DGKK: variants seen among roughly 807,000 people sequenced by gnomAD.
DGKK encodes the protein 142 kDa diacylglycerol kinase.
A neutral mutation model predicts 92.2 loss-of-function variants in DGKK; 35 were observed. The observed-to-expected ratio is 0.38, with a 90% CI of 0.29 to 0.50. The LOEUF is 0.50. DGKK is among the 20% of genes least tolerant of loss of function. The pLI is 0.92. For synonymous variants in DGKK, 368 were observed against 360.6 expected, an observed-to-expected ratio of 1.02 and a Z score of -0.23; for missense variants, 910 against 992.2, an observed-to-expected ratio of 0.92 and a Z score of 1.11.
rs138388056 is a variant in DGKK at position 50,467,797 on chromosome X, G to A, written c.645+2237C>T. On this transcript the variant is annotated intron_variant, in intron 1 of 27. Transcript: ENST00000611977. ...AGATCAGATGTTCCCAGCTGCACCA[G>A]AGAGCAATTGCATAGCAACATTGAG... is the stretch of plus-strand genomic sequence containing the variant. 8.1e-3 allele frequency among the ~76,000 whole-genome samples: 911 copies of A among 112,632 alleles called. 2 individuals carry two copies. The highest frequency in any genetic ancestry group is 0.014 in the Non-Finnish European group (741 of 53,291).
At chrX:50,374,672 T>C (rs1198912141) in intron 25 of DGKK, among the ~76,000 whole-genome samples, 1 of 111,442 alleles carries the variant, frequency 9.0e-6, no homozygotes, top group Non-Finnish European at 1.9e-5. Flanking sequence ...CTTTTTCTAC[T>C]GGAGCTGTAT....
At chrX:50,461,687 G>A (rs782604655) in intron 1 of DGKK, among the ~76,000 whole-genome samples, 5 of 112,012 alleles carry the variant, frequency 4.5e-5, no homozygotes, top group African/African-American at 6.5e-5. Flanking sequence ...TTGCTTAAAG[G>A]TAGTCTCATC....
chrX:50,413,027 G>T (rs1925341517), intron 4 of DGKK, among the ~76,000 whole-genome samples: 1 of 110,686 alleles, frequency 9.0e-6, no homozygotes, highest in Admixed American at 9.6e-5. Context: ...GAGGGCTCTA[G>T]GTTGCACACT....
intron 1 of DGKK, among the ~76,000 whole-genome samples, chrX:50,447,389 TATATATTATATATATATATAATATATATA>T: frequency 5.7e-5 from 1 of 17,537 alleles, no homozygotes; most frequent in Non-Finnish European, 7.7e-5. Context: ...ATATAATATA[TATATATTATATATATATATAATATATATA>T]TATATATATT....
intron 26 of DGKK, 42 bp from the exon 27 acceptor site, chrX:50,370,591 A>G (rs1557223060): frequency 4.3e-6 from 5 of 1,158,685 alleles, no homozygotes; most frequent in Non-Finnish European, 4.6e-6. Flanking sequence ...TAGTTGCCTA[A>G]TATTCAAAGA....
At chrX:50,464,139 C>T (rs1318999413) in intron 1 of DGKK, among the ~76,000 whole-genome samples, 3 of 86,748 alleles carry the variant, frequency 3.5e-5, no homozygotes, top group Non-Finnish European at 6.8e-5. Context: ...TTAAAAAAAT[C>T]GGTTTTTTTT....
chrX:50,467,388 C>T (rs1926934012), intron 1 of DGKK, among the ~76,000 whole-genome samples: 2 of 112,787 alleles, frequency 1.8e-5, no homozygotes, highest in Admixed American at 9.3e-5. Flanking sequence ...TTTTTTGCTA[C>T]AATACCAGTC....
chrX:50,413,634 C>A (rs1925357163), intron 4 of DGKK, among the ~76,000 whole-genome samples: 1 of 111,716 alleles, frequency 9.0e-6, no homozygotes, highest in Non-Finnish European at 1.9e-5. Context: ...TAAGGAAGTG[C>A]AAATTAAAAC....
At chrX:50,372,091 C>A (rs1455865264) in intron 25 of DGKK, among the ~76,000 whole-genome samples, 2 of 111,721 alleles carry the variant, frequency 1.8e-5, no homozygotes, top group East Asian at 5.7e-4. Context: ...TCAATTAACA[C>A]TGAGCTTCAC....
At position 50,403,652 on chromosome X, in the gene DGKK, T is replaced by A. The variant is rs924109442; in HGVS notation, c.1079-55A>T. 4 of 995,252 alleles carry A rather than the reference T, an allele frequency of 4.0e-6. No individual in the cohort carries two copies. In the Admixed American group the frequency reaches 8.8e-5, roughly 22 times the overall value. The allele number at this position is 995,252 out of a possible 1,213,427, so 82.0% of individuals were successfully genotyped here. On this transcript the variant is annotated intron_variant, in intron 5 of 27. Coordinates refer to ENST00000611977, the MANE Select transcript of DGKK (RefSeq NM_001013742.4). ...GTGAATCTGGTGACAGTGAGGATTCTAATTCTCTTCCCAAAGCTGCTCTGA... is the reference window on the plus strand; with the variant it reads ...GTGAATCTGGTGACAGTGAGGATTCAAATTCTCTTCCCAAAGCTGCTCTGA...
intron 1 of DGKK, among the ~76,000 whole-genome samples, chrX:50,458,814 T>C (rs953453083): frequency 9.0e-6 from 1 of 111,516 alleles, no homozygotes; most frequent in South Asian, 3.8e-4. Flanking sequence ...TTTTTTACAA[T>C]CTTTCAATCA....
At chrX:50,412,044 T>C (rs1054761902) in intron 4 of DGKK, among the ~76,000 whole-genome samples, 1 of 111,812 alleles carries the variant, frequency 8.9e-6, no homozygotes, top group Non-Finnish European at 1.9e-5. Context: ...TCCAAAAATC[T>C]GACATCTGAA....
intron 12 of DGKK, among the ~76,000 whole-genome samples, 152 bp from the exon 13 acceptor site, chrX:50,388,770 T>C (rs1285461853): frequency 8.9e-6 from 1 of 112,028 alleles, no homozygotes; most frequent in Non-Finnish European, 1.9e-5. Context: ...AGAATTCTTG[T>C]TGAAGGTCAA....
intron 4 of DGKK, among the ~76,000 whole-genome samples, chrX:50,406,841 C>T (rs1410077217): frequency 2.7e-5 from 3 of 111,569 alleles, no homozygotes; most frequent in Admixed American, 1.9e-4. Flanking sequence ...TATGGCAGCC[C>T]TAGGAAACTA....
chrX:50,429,562 G>T (rs782034683), intron 1 of DGKK, among the ~76,000 whole-genome samples: 2 of 111,374 alleles, frequency 1.8e-5, no homozygotes, highest in African/African-American at 6.5e-5. Flanking sequence ...GGTGGCGGGC[G>T]CCTGTAGTCC....
chrX:50,386,011 G>A (rs1924534899), intron 15 of DGKK, among the ~76,000 whole-genome samples: 1 of 111,672 alleles, frequency 9.0e-6, no homozygotes, highest in African/African-American at 3.3e-5. Flanking sequence ...AAAGAAACAG[G>A]AGAAGGAGGA....
Position 50,470,529 on chromosome X carries a change from C to A in DGKK, c.150G>T (p.Ser50=), listed in dbSNP as rs782238559. 8.3e-6 allele frequency: 10 copies of A among 1,210,181 alleles called. No individual in the cohort carries two copies. Among genetic ancestry groups the A allele is most frequent in the Non-Finnish European group, 1.1e-5 (10 of 895,373 alleles). The change falls in exon 1 of 28, where the codon TCG becomes TCT. Residue 50 remains serine (S), a synonymous_variant. Transcript: ENST00000611977. ...GACAGGGCTCTGGTATGGGTTCTGG[C>A]GAAGCCTCGGAGAGCAGCGGCGGAG... The part of the protein sequence containing the change: ...PPAPPLLSEA[S]PEPIPEPCPE...
intron 12 of DGKK, 117 bp downstream of exon 12, chrX:50,390,211 A>G (rs1169492386): frequency 1.6e-6 from 1 of 620,472 alleles, no homozygotes; most frequent in Non-Finnish European, 2.6e-6. Flanking sequence ...CATGTCACCA[A>G]CTCTCAATGA....
At chrX:50,463,507 C>T (rs890277261) in intron 1 of DGKK, among the ~76,000 whole-genome samples, 49 of 102,635 alleles carry the variant, frequency 4.8e-4, no homozygotes, top group African/African-American at 1.7e-3. Flanking sequence ...CCCCTCCCTC[C>T]CTTCTCCCCT....
Sources: gnomAD v4.1 joint callset for allele counts (sites outside exome capture counted in the v4.1 genomes callset) on GRCh38, gnomAD v4.1.1 for gene constraint, MANE v1.5 for transcripts, NCBI Gene and HGNC (gene_info 2026-07-23, HGNC 2026-07-21) for gene names.